SLC2A9: variants seen among roughly 807,000 people sequenced by gnomAD.
SLC2A9 encodes solute carrier family 2, facilitated glucose transporter member 9.
SLC2A9 carries 39 observed loss-of-function variants against 50.6 expected under a neutral mutation model. That is an observed-to-expected ratio of 0.77 (90% CI 0.60 to 1.01). The LOEUF is 1.01. Ranked by LOEUF, SLC2A9 falls within the 50% of genes least tolerant of loss-of-function variation. SLC2A9 has a pLI of 0.00. For missense variants in SLC2A9, 686 were observed against 677.6 expected (o/e 1.01, Z -0.14); for synonymous variants, 324 against 276.9 (o/e 1.17, Z -1.69).
At chr4:9,903,125 T>C (rs1257998403) in intron 8 of SLC2A9, among the ~76,000 whole-genome samples, 8 of 152,138 alleles carry the variant, frequency 5.3e-5, no homozygotes, top group Non-Finnish European at 8.8e-5. Flanking sequence ...GCTTTCTCCC[T>C]TTTACCACGT....
downstream of SLC2A9, among the ~76,000 whole-genome samples, chr4:9,824,699 G>A (rs1002908293): frequency 1.3e-5 from 2 of 152,178 alleles, no homozygotes; most frequent in Non-Finnish European, 2.9e-5. Flanking sequence ...TACATCTTTA[G>A]TATGTAGCTA....
At chr4:9,855,408 AGGGAGGCGAAAGAT>A (rs1730576333) in intron 10 of SLC2A9, among the ~76,000 whole-genome samples, 1 of 152,204 alleles carries the variant, frequency 6.6e-6, no homozygotes, top group African/African-American at 2.4e-5. Flanking sequence ...AGAGCTAACC[AGGGAGGCGAAAGAT>A]CCCTACAATG....
chr4:9,786,255 T>A (rs1719203506), intron 3 of SLC2A9, among the ~76,000 whole-genome samples: 1 of 152,148 alleles, frequency 6.6e-6, no homozygotes, highest in Non-Finnish European at 1.5e-5. Context: ...ATTTTACAGA[T>A]AAGGAAATGA....
At chr4:9,885,508 G>A (rs956377848) in intron 10 of SLC2A9, among the ~76,000 whole-genome samples, 4 of 152,150 alleles carry the variant, frequency 2.6e-5, no homozygotes, top group Admixed American at 2.0e-4. Flanking sequence ...CTCCTCCAAG[G>A]TTTGTTTTGA....
chr4:10,036,037 G>A, intron 1 of SLC2A9: 1 of 203,846 alleles, frequency 4.9e-6, no homozygotes, highest in South Asian at 9.7e-5. Flanking sequence ...CTTGCAGATG[G>A]CCTGTCAAGG....
At chr4:9,788,186 T>C (rs2108874009) in intron 3 of SLC2A9, among the ~76,000 whole-genome samples, 1 of 152,206 alleles carries the variant, frequency 6.6e-6, no homozygotes, top group South Asian at 2.1e-4. Context: ...CTTGGTTTTT[T>C]AGTTTTCTGT....
intron 10 of SLC2A9, among the ~76,000 whole-genome samples, chr4:9,840,378 T>C (rs539633239): frequency 2.4e-4 from 37 of 152,324 alleles, no homozygotes; most frequent in African/African-American, 8.4e-4. Context: ...TGAGAAAGAA[T>C]GGGGTTTGAT....
chr4:10,016,116 C>T (rs543785965), intron 2 of SLC2A9, among the ~76,000 whole-genome samples: 123 of 152,324 alleles, frequency 8.1e-4, no homozygotes, highest in Non-Finnish European at 1.4e-3. Context: ...GGCTAAAAAG[C>T]GCCTTGTGAT....
In SLC2A9 at chr4:9,841,254, A is replaced by C. The variant is rs376831433; in HGVS notation, c.1292-6246T>G. Among the ~76,000 whole-genome samples the C allele has an allele frequency of 3.2e-3, 487 of 152,288 alleles. 1 individual carries two copies. Among genetic ancestry groups the C allele is most frequent in the Middle Eastern group, 0.014 (4 of 294 alleles). The stretch of plus-strand genomic sequence containing the variant: ...TGGATTCTTTGCTTTAGAGACACCC[A>C]TTATCCTTGTGTTGGATCAGCTTTG... On this transcript the variant is annotated intron_variant, in intron 10 of 11. Transcript: ENST00000264784.
upstream of SLC2A9, chr4:10,025,934 A>G (rs777842924): frequency 6.2e-7 from 1 of 1,613,802 alleles, no homozygotes; most frequent in Non-Finnish European, 8.5e-7. Context: ...CACTTTCTTC[A>G]TCTTCTCCTC....
intron 6 of SLC2A9, among the ~76,000 whole-genome samples, chr4:9,938,304 C>T (rs1444998546): frequency 7.2e-6 from 1 of 138,652 alleles, no homozygotes; most frequent in African/African-American, 2.7e-5. Flanking sequence ...TGGAGTCTCA[C>T]TCTGTTGCCC....
At chr4:10,036,038 C>T in intron 1 of SLC2A9, 2 of 204,046 alleles carry the variant, frequency 9.8e-6, no homozygotes, top group South Asian at 9.6e-5. Flanking sequence ...TTGCAGATGG[C>T]CTGTCAAGGG....
At position 9,885,095 on chromosome 4, in the gene SLC2A9, G is replaced by A. The variant is rs150827525; in HGVS notation, c.1291+2472C>T. 1.7e-3 allele frequency among the ~76,000 whole-genome samples: 266 copies of A among 152,146 alleles called. 2 individuals carry two copies. Among genetic ancestry groups the A allele is most frequent in the South Asian group, 3.5e-3 (17 of 4,802 alleles). ...TGGGCTTAATACCTTAATTGCTGTC[G>A]ATAAGTACAGCAAACCACCATGGCA... On this transcript the variant is annotated intron_variant, in intron 10 of 11. Transcript: ENST00000264784.
downstream of SLC2A9, among the ~76,000 whole-genome samples, chr4:9,797,719 C>T (rs372497976): frequency 1.7e-4 from 26 of 152,320 alleles, no homozygotes; most frequent in East Asian, 4.4e-3. Flanking sequence ...TCTCTGATTC[C>T]CTAGCCACCA....
intron 3 of SLC2A9, among the ~76,000 whole-genome samples, chr4:9,788,217 G>A (rs568072642): frequency 1.3e-5 from 2 of 152,130 alleles, no homozygotes; most frequent in Non-Finnish European, 2.9e-5. Flanking sequence ...TTGAGACAGG[G>A]TCTCACTCTG....
chr4:9,996,355 G>A (rs4575994), intron 3 of SLC2A9, among the ~76,000 whole-genome samples: 92,129 of 152,122 alleles, frequency 0.61, 28,280 homozygotes, highest in East Asian at 0.89. Flanking sequence ...CCAACACCCA[G>A]ATCAATTCCC....
At chr4:9,879,675 G>A (rs1416601524) in intron 10 of SLC2A9, 2 of 985,236 alleles carry the variant, frequency 2.0e-6, no homozygotes, top group Admixed American at 1.2e-4. Context: ...GCTCCATCTT[G>A]TTTGCATCTG....
At chr4:9,845,429 T>TC in intron 10 of SLC2A9, among the ~76,000 whole-genome samples, 1 of 103,978 alleles carries the variant, frequency 9.6e-6, no homozygotes, top group African/African-American at 5.0e-5. Flanking sequence ...ATCAATTTCT[T>TC]TTTTTTTTTT....
intron 4 of SLC2A9, among the ~76,000 whole-genome samples, chr4:9,980,997 A>G (rs541375701): frequency 6.6e-6 from 1 of 152,216 alleles, no homozygotes; most frequent in East Asian, 1.9e-4. Flanking sequence ...ATTGATGGTG[A>G]TAATGACGGT....
Sources: allele counts gnomAD v4.1 joint callset (sites outside exome capture counted in the v4.1 genomes callset), GRCh38; gene constraint gnomAD v4.1.1; transcripts MANE v1.5; gene names NCBI Gene and HGNC (gene_info 2026-07-23, HGNC 2026-07-21).